CNTNAP2: variants seen among roughly 807,000 people sequenced by gnomAD.
CNTNAP2 encodes contactin associated protein 2.
CNTNAP2 carries 98 observed loss-of-function variants against 155.2 expected under a neutral mutation model. The ratio of observed to expected loss-of-function variants is 0.63; its 90% CI spans 0.54 to 0.75. CNTNAP2 has a LOEUF of 0.75. Among genes scored for constraint, CNTNAP2 ranks in the 30% least tolerant of loss-of-function variants. CNTNAP2 has a pLI of 0.00. For synonymous variants in CNTNAP2, 651 were observed against 631.2 expected, an observed-to-expected ratio of 1.03 and a Z score of -0.47; for missense variants, 1,727 against 1,688.1, an observed-to-expected ratio of 1.02 and a Z score of -0.40.
At chr7:146,980,608 C>T (rs1344437890) in intron 3 of CNTNAP2, among the ~76,000 whole-genome samples, 1 of 152,086 alleles carries the variant, frequency 6.6e-6, no homozygotes, top group Non-Finnish European at 1.5e-5. Flanking sequence ...AAGTAGTTTC[C>T]AGTCATGGCA....
At chr7:147,366,029 G>A (rs73473179) in intron 9 of CNTNAP2, among the ~76,000 whole-genome samples, 238 of 152,122 alleles carry the variant, frequency 1.6e-3, no homozygotes, top group African/African-American at 5.1e-3. Flanking sequence ...TGAAGTCTAT[G>A]GTGAAGGTCC....
At chr7:146,371,364 A>ATTTT (rs1403752440) in intron 1 of CNTNAP2, among the ~76,000 whole-genome samples, 1 of 101,600 alleles carries the variant, frequency 9.8e-6, no homozygotes, top group African/African-American at 4.7e-5. Context: ...TGCCAGTATT[A>ATTTT]GTTTTTTTTT....
intron 11 of CNTNAP2, among the ~76,000 whole-genome samples, chr7:147,546,188 G>A (rs1172945690): frequency 1.3e-5 from 2 of 152,064 alleles, no homozygotes; most frequent in African/African-American, 4.8e-5. Context: ...AATCATGGTG[G>A]GAGGGCCCTG....
chr7:146,754,727 G>T (rs1045039168), intron 1 of CNTNAP2, among the ~76,000 whole-genome samples: 5 of 151,772 alleles, frequency 3.3e-5, no homozygotes, highest in Non-Finnish European at 7.4e-5. Context: ...TGTTGTCAGG[G>T]GTTAGGAAAG....
At chr7:146,606,115 T>C (rs1272426234) in intron 1 of CNTNAP2, among the ~76,000 whole-genome samples, 1 of 152,206 alleles carries the variant, frequency 6.6e-6, no homozygotes, top group African/African-American at 2.4e-5. Context: ...CCTAAATGCA[T>C]TGTTGGCATC....
intron 1 of CNTNAP2, among the ~76,000 whole-genome samples, chr7:146,120,634 C>T (rs547392561): frequency 2.7e-4 from 41 of 152,148 alleles, no homozygotes; most frequent in Non-Finnish European, 4.3e-4. Flanking sequence ...TGATGGACCA[C>T]GTGTATGTTG....
At chr7:146,435,550 A>G (rs1364645497) in intron 1 of CNTNAP2, among the ~76,000 whole-genome samples, 1 of 152,198 alleles carries the variant, frequency 6.6e-6, no homozygotes, top group East Asian at 1.9e-4. Context: ...AAACATCTCT[A>G]GTAGAATTTT....
chr7:147,737,214 T>C (rs1796867558), intron 13 of CNTNAP2, among the ~76,000 whole-genome samples: 1 of 152,182 alleles, frequency 6.6e-6, no homozygotes, highest in Admixed American at 6.5e-5. Context: ...GTTGATGTCC[T>C]TTCTGTTTAT....
At chr7:147,460,683 T>G (rs968879062) in intron 10 of CNTNAP2, among the ~76,000 whole-genome samples, 1 of 152,204 alleles carries the variant, frequency 6.6e-6, no homozygotes, top group South Asian at 2.1e-4. Flanking sequence ...TTTGCTTTGT[T>G]TTTTGCAGTT....
At chr7:147,569,845 TGCC>T (rs1800250444) in intron 12 of CNTNAP2, among the ~76,000 whole-genome samples, 1 of 152,254 alleles carries the variant, frequency 6.6e-6, no homozygotes, top group Non-Finnish European at 1.5e-5. Context: ...CTCAGAGTCT[TGCC>T]AGGCTGAGAC....
chr7:147,789,149 T>C (rs749525842), intron 13 of CNTNAP2, among the ~76,000 whole-genome samples: 6 of 151,840 alleles, frequency 4.0e-5, no homozygotes, highest in South Asian at 2.1e-4. Context: ...TCAAGTGATC[T>C]GCCCGCCTCG....
chr7:146,443,460 G>C (rs868723504), intron 1 of CNTNAP2, among the ~76,000 whole-genome samples: 21 of 152,158 alleles, frequency 1.4e-4, no homozygotes, highest in African/African-American at 4.3e-4. Context: ...TAGAAATTTG[G>C]GGACTACTCC....
intron 21 of CNTNAP2, among the ~76,000 whole-genome samples, chr7:148,298,555 C>T (rs1380917215): frequency 6.6e-6 from 1 of 152,132 alleles, no homozygotes; most frequent in Non-Finnish European, 1.5e-5. Context: ...AGCCCACTGA[C>T]TCAAATGCTA....
chr7:147,401,788 T>C (rs1796918162), intron 10 of CNTNAP2, among the ~76,000 whole-genome samples: 1 of 152,280 alleles, frequency 6.6e-6, no homozygotes, highest in Middle Eastern at 3.4e-3. Context: ...CCTGCTGCCA[T>C]GTAAGATGTG....
intron 10 of CNTNAP2, among the ~76,000 whole-genome samples, chr7:147,398,502 G>A (rs117425976): frequency 6.6e-6 from 1 of 150,744 alleles, no homozygotes; most frequent in East Asian, 2.0e-4. Flanking sequence ...AGTCACAGCT[G>A]CAATGATTTG....
intron 9 of CNTNAP2, among the ~76,000 whole-genome samples, chr7:147,323,993 G>A (rs578262483): frequency 1.1e-3 from 163 of 150,886 alleles, no homozygotes; most frequent in Admixed American, 4.6e-3. Flanking sequence ...AGCTTAGAAA[G>A]CAAAGGATTA....
At chr7:146,217,272 A>G (rs986978679) in intron 1 of CNTNAP2, among the ~76,000 whole-genome samples, 2 of 152,222 alleles carry the variant, frequency 1.3e-5, no homozygotes, top group Admixed American at 6.5e-5. Context: ...TGCTGAACAT[A>G]TGTACTGTTT....
intron 3 of CNTNAP2, among the ~76,000 whole-genome samples, chr7:147,033,476 T>G (rs1584795282): frequency 1.3e-5 from 2 of 152,106 alleles, no homozygotes; most frequent in South Asian, 4.1e-4. Flanking sequence ...TGGTGTCTTT[T>G]TGAGTCAGTC....
rs1306825738 is a variant in CNTNAP2, at chr7:147,865,868, AC to A, written c.2099-37695del. On this transcript the variant is annotated intron_variant, in intron 13 of 23. Coordinates refer to ENST00000361727, the MANE Select transcript of CNTNAP2 (RefSeq NM_014141.6). The stretch of plus-strand genomic sequence containing the variant: ...TCAATTTTGTTGATCTTTTCAAAAA[AC>A]CAGCTCCTGGTTTCATTGATTTTTT... Among the ~76,000 whole-genome samples, 49 of 152,174 alleles carry A rather than the reference AC, an allele frequency of 3.2e-4. 1 individual carries two copies. The highest frequency in any genetic ancestry group is 1.0e-3 in the African/African-American group (42 of 41,524).
Sources: gnomAD v4.1 joint callset for allele counts (sites outside exome capture counted in the v4.1 genomes callset) on GRCh38, gnomAD v4.1.1 for gene constraint, MANE v1.5 for transcripts, NCBI Gene and HGNC (gene_info 2026-07-23, HGNC 2026-07-21) for gene names.